The following TBL1XR1 variants were observed in gnomAD, a reference collection of about 807,000 sequenced individuals.
The protein encoded by TBL1XR1 is F-box-like/WD repeat-containing protein TBL1XR1.
Under a neutral mutation model 66.9 loss-of-function variants are expected in TBL1XR1, and 5 were observed. The ratio of observed to expected loss-of-function variants is 0.07; its 90% confidence interval spans 0.04 to 0.16. TBL1XR1 has a LOEUF of 0.16. Among genes scored for constraint, TBL1XR1 ranks in the 10% least tolerant of loss-of-function variants. The probability of loss-of-function intolerance (pLI) is 1.00; values close to 1 mark genes in which losing one functional copy is unlikely to be tolerated. For synonymous variants in TBL1XR1, 210 were observed against 206.0 expected (o/e 1.02, Z -0.17); for missense variants, 238 against 623.2 (o/e 0.38, Z 6.58).
intron 2 of TBL1XR1, among the ~76,000 whole-genome samples, chr3:177,087,693 ATT>A (rs11331061): frequency 3.3e-5 from 5 of 149,930 alleles, no homozygotes; most frequent in East Asian, 3.9e-4. Flanking sequence ...CTCAAGCAAA[ATT>A]TTTTTTTTTT....
intron 1 of TBL1XR1, among the ~76,000 whole-genome samples, chr3:177,189,264 T>A (rs11921204): frequency 0.011 from 1,597 of 151,116 alleles, 32 homozygotes; most frequent in African/African-American, 0.037. Context: ...ACGCCTATAA[T>A]CCCAGCACTC....
chr3:177,099,203 C>T (rs1723881348), intron 1 of TBL1XR1, among the ~76,000 whole-genome samples: 1 of 152,222 alleles, frequency 6.6e-6, no homozygotes, highest in East Asian at 1.9e-4. Context: ...CCTGTCTCTA[C>T]TAAAAATACA....
chr3:177,152,072 T>G (rs1730957506), intron 1 of TBL1XR1, among the ~76,000 whole-genome samples: 1 of 152,182 alleles, frequency 6.6e-6, no homozygotes, highest in Admixed American at 6.5e-5. Flanking sequence ...CCAAGTTGAT[T>G]CAAATGGGTA....
chr3:177,037,958 G>T (rs1715051050), intron 12 of TBL1XR1, 140 bp downstream of exon 12: 2 of 638,044 alleles, frequency 3.1e-6, no homozygotes, highest in African/African-American at 3.7e-5. Context: ...AAAAACAATG[G>T]TTAGCCATTT....
At chr3:177,095,115 C>G (rs1350032778) in intron 2 of TBL1XR1, among the ~76,000 whole-genome samples, 1 of 151,326 alleles carries the variant, frequency 6.6e-6, no homozygotes, top group East Asian at 1.9e-4. Context: ...AGCAGCCAAT[C>G]TCAAAAAGAC....
intron 1 of TBL1XR1, chr3:177,131,487 A>C (rs182035326): frequency 1.3e-6 from 1 of 741,778 alleles, no homozygotes; most frequent in Non-Finnish European, 1.6e-6. Context: ...TAAATTAAAA[A>C]AACACATTGT....
In TBL1XR1 at chr3:177,065,020, A is replaced by C; in HGVS notation, c.-43T>G. On this transcript the variant is annotated splice_region_variant and 5_prime_UTR_variant, in exon 3 of 16. Transcript: ENST00000457928. ...CCATGAGGTCACAACACAGGATATAACCCTAAAAATAAAACAAAGTTAATT... is the reference window on the plus strand; with the variant it reads ...CCATGAGGTCACAACACAGGATATACCCCTAAAAATAAAACAAAGTTAATT... 6.9e-7 allele frequency: 1 copy of C among 1,441,498 alleles called. No homozygotes were observed. The highest frequency in any genetic ancestry group is 9.1e-7 in the Non-Finnish European group (1 of 1,099,214). 89.3% of individuals were successfully genotyped at this position (1,441,498 alleles called of 1,614,324 possible). A position where few individuals can be genotyped will look rare whatever the true frequency, so the allele number is the denominator to read the frequency against.
rs963812547 is a variant in TBL1XR1, at chr3:177,153,884, A to T, written c.-122+43237T>A. Among the ~76,000 whole-genome samples, 17 of 151,336 alleles carry T rather than the reference A, an allele frequency of 1.1e-4. 1 individual carries two copies. The South Asian group carries it at 3.1e-3, about 28-fold the overall frequency. The stretch of plus-strand genomic sequence containing the variant: ...AAGAGCAAAACTCCATCTCAAAAAA[A>T]AAAAAAAAAAAAAGTATGGAACAAG... On this transcript the variant is annotated intron_variant, in intron 1 of 15. Transcript: ENST00000457928.
intron 1 of TBL1XR1, among the ~76,000 whole-genome samples, chr3:177,171,804 A>T (rs1485516295): frequency 6.6e-6 from 1 of 152,022 alleles, no homozygotes; most frequent in Non-Finnish European, 1.5e-5. Flanking sequence ...AAAGAAAAAT[A>T]CCAGAAGAGT....
chr3:177,144,518 C>A (rs1338312384), intron 1 of TBL1XR1, among the ~76,000 whole-genome samples: 1 of 151,832 alleles, frequency 6.6e-6, no homozygotes, highest in African/African-American at 2.4e-5. Flanking sequence ...CTTTGGGAGG[C>A]CAAGGCGGGT....
chr3:177,105,531 A>T (rs1014321464), intron 1 of TBL1XR1, among the ~76,000 whole-genome samples: 4 of 152,244 alleles, frequency 2.6e-5, no homozygotes, highest in Non-Finnish European at 5.9e-5. Context: ...TAAGGTTTGA[A>T]TATCTGATTC....
At chr3:177,167,901 G>A (rs1012809429) in intron 1 of TBL1XR1, among the ~76,000 whole-genome samples, 2 of 151,952 alleles carry the variant, frequency 1.3e-5, no homozygotes, top group Non-Finnish European at 2.9e-5. Context: ...ACTACAGCCT[G>A]GGCAACAAGA....
At chr3:177,182,909 A>C (rs1473561649) in intron 1 of TBL1XR1, among the ~76,000 whole-genome samples, 1 of 152,196 alleles carries the variant, frequency 6.6e-6, no homozygotes, top group Admixed American at 6.5e-5. Context: ...CATTCTTCTA[A>C]GTACTGTCCT....
At chr3:177,052,806 TA>T (rs1717275571) in intron 4 of TBL1XR1, among the ~76,000 whole-genome samples, 1 of 152,140 alleles carries the variant, frequency 6.6e-6, no homozygotes, top group Non-Finnish European at 1.5e-5. Context: ...TCACTATAGA[TA>T]AAAATTTTAA....
At chr3:177,120,160 T>C (rs912272597) in intron 1 of TBL1XR1, among the ~76,000 whole-genome samples, 2 of 152,196 alleles carry the variant, frequency 1.3e-5, no homozygotes, top group African/African-American at 4.8e-5. Flanking sequence ...CTCCCTGTGA[T>C]AGTATAGGTC....
At chr3:177,123,911 T>A (rs565106493) in intron 1 of TBL1XR1, among the ~76,000 whole-genome samples, 1 of 152,204 alleles carries the variant, frequency 6.6e-6, no homozygotes, top group Non-Finnish European at 1.5e-5. Context: ...ACGATTTACA[T>A]TTTCCTACAA....
chr3:177,195,532 G>C (rs1270933034), intron 1 of TBL1XR1: 1 of 149,970 alleles, frequency 6.7e-6, no homozygotes, highest in African/African-American at 2.4e-5. Flanking sequence ...AAATGAAAAT[G>C]AATCACACTG....
chr3:177,035,155 G>A (rs56297506), intron 12 of TBL1XR1, among the ~76,000 whole-genome samples: 26,608 of 152,018 alleles, frequency 0.18, 3,139 homozygotes, highest in East Asian at 0.5. Context: ...AAATCTGAAC[G>A]ACATGTTTTC....
At chr3:177,187,720 GAA>G (rs1212863087) in intron 1 of TBL1XR1, among the ~76,000 whole-genome samples, 2 of 151,656 alleles carry the variant, frequency 1.3e-5, no homozygotes, top group Admixed American at 6.6e-5. Context: ...CCACTGTGCT[GAA>G]AAAGACACAA....
Sources: allele counts gnomAD v4.1 joint callset (sites outside exome capture counted in the v4.1 genomes callset), GRCh38; gene constraint gnomAD v4.1.1; transcripts MANE v1.5; gene names NCBI Gene and HGNC (gene_info 2026-07-23, HGNC 2026-07-21).